Variants in AFDN observed in about 807,000 individuals in gnomAD.
AFDN encodes afadin.
A neutral mutation model predicts 216.6 loss-of-function variants in AFDN; 68 were observed. The ratio of observed to expected loss-of-function variants is 0.31; its 90% confidence interval spans 0.26 to 0.38. AFDN has a LOEUF of 0.38. Ranked by LOEUF, AFDN falls within the 10% of genes least tolerant of loss-of-function variation. The pLI is 1.00. For synonymous variants in AFDN, 868 were observed against 853.7 expected (o/e 1.02, Z -0.29); for missense variants, 2,136 against 2,342.0 (o/e 0.91, Z 1.82).
intron 21 of AFDN, among the ~76,000 whole-genome samples, chr6:167,920,618 C>T (rs1791661334): frequency 6.6e-6 from 1 of 152,166 alleles, no homozygotes. Flanking sequence ...GGATGGCGCT[C>T]TCCTGCCAGG....
At chr6:167,894,835 C>G (rs1788034688) in intron 9 of AFDN, among the ~76,000 whole-genome samples, 1 of 152,174 alleles carries the variant, frequency 6.6e-6, no homozygotes, top group Non-Finnish European at 1.5e-5. Context: ...AGAGACCTTT[C>G]AGAAGCATTC....
intron 3 of AFDN, among the ~76,000 whole-genome samples, chr6:167,870,900 A>T (rs925890230): frequency 2.0e-5 from 3 of 152,142 alleles, no homozygotes; most frequent in African/African-American, 7.2e-5. Context: ...CGTTTTCATT[A>T]TGTGCAGGGT....
intron 1 of AFDN, among the ~76,000 whole-genome samples, chr6:167,833,623 A>G (rs988605185): frequency 2.0e-5 from 3 of 151,950 alleles, no homozygotes; most frequent in Admixed American, 6.6e-5. Flanking sequence ...CTAGTTCCTG[A>G]TTTTTTTATA....
At chr6:167,937,409 A>G (rs778151863) in intron 23 of AFDN, among the ~76,000 whole-genome samples, 1 of 152,142 alleles carries the variant, frequency 6.6e-6, no homozygotes, top group Non-Finnish European at 1.5e-5. Context: ...ATAATCATGA[A>G]TGCTTTTTAA....
chr6:167,957,651 C>T (rs913025294), intron 30 of AFDN, among the ~76,000 whole-genome samples: 10 of 152,140 alleles, frequency 6.6e-5, no homozygotes, highest in African/African-American at 2.4e-4. Context: ...ACCTGGAATT[C>T]GTCAGGATGT....
At chr6:167,841,834 G>C (rs1429568688) in intron 1 of AFDN, among the ~76,000 whole-genome samples, 2 of 151,180 alleles carry the variant, frequency 1.3e-5, no homozygotes, top group African/African-American at 4.9e-5. Context: ...GATTCTCACC[G>C]ATGCCTTTCT....
At chr6:167,927,937 T>C (rs988758677) in intron 23 of AFDN, among the ~76,000 whole-genome samples, 1 of 152,212 alleles carries the variant, frequency 6.6e-6, no homozygotes, top group Non-Finnish European at 1.5e-5. Context: ...ATTACCCTAC[T>C]GTACTCAAAT....
At chr6:167,856,533 A>G (rs1388959805) in intron 1 of AFDN, among the ~76,000 whole-genome samples, 1 of 152,148 alleles carries the variant, frequency 6.6e-6, no homozygotes, top group African/African-American at 2.4e-5. Context: ...CTAATTTACT[A>G]TAGTATTTGG....
chr6:167,954,501 C>T lies in AFDN; in HGVS notation c.4833+2314C>T, dbSNP rs193133963. ...ATCTCTGTTCTAGATTTGGTATGTT[C>T]TTGTTTCTTTCCCTTTGGTACTTTT... On this transcript the variant is annotated intron_variant, in intron 30 of 33. Transcript: ENST00000683244. 9.4e-6 allele frequency: 15 copies of T among 1,595,194 alleles called. No individual in the cohort carries two copies. In the Admixed American group the frequency reaches 1.5e-4, roughly 16 times the overall value.
intron 23 of AFDN, chr6:167,932,872 A>C (rs1280170174): frequency 2.6e-5 from 4 of 152,252 alleles, no homozygotes; most frequent in Non-Finnish European, 5.9e-5. Flanking sequence ...TAACTTGCTC[A>C]TGAAGCAACA....
chr6:167,912,896 G>T (rs529038977), intron 15 of AFDN, among the ~76,000 whole-genome samples: 1 of 152,274 alleles, frequency 6.6e-6, no homozygotes, highest in East Asian at 1.9e-4. Flanking sequence ...GCTCCCTTTA[G>T]TATAGGTGTA....
intron 1 of AFDN, among the ~76,000 whole-genome samples, chr6:167,834,005 A>T (rs1187523219): frequency 6.6e-6 from 1 of 152,238 alleles, no homozygotes; most frequent in Non-Finnish European, 1.5e-5. Context: ...TTGTTTTTCA[A>T]TAATATGATT....
chr6:167,907,078 AGCCCT>A, intron 12 of AFDN, 88 bp from the exon 13 acceptor site: 1 of 881,380 alleles, frequency 1.1e-6, no homozygotes. Context: ...CCTGCTTGGC[AGCCCT>A]GTATCAGATC....
At position 167,893,915 on chromosome 6, in the gene AFDN, A is replaced by G. The variant is rs899338358; in HGVS notation, c.1222+9A>G. On this transcript the variant is annotated intron_variant, in intron 9 of 33. Transcript: ENST00000683244. ...CTATCACACTTACGAAGGTAATGCTATGCTTACTACTACTTTTATAACTAA... is the reference window on the plus strand; with the variant it reads ...CTATCACACTTACGAAGGTAATGCTGTGCTTACTACTACTTTTATAACTAA... 14 of 1,569,006 alleles carry G rather than the reference A, an allele frequency of 8.9e-6. No homozygotes were observed. In the Admixed American group the frequency reaches 1.8e-4, roughly 20 times the overall value.
At chr6:167,839,245 A>G (rs192745498) in intron 1 of AFDN, among the ~76,000 whole-genome samples, 63 of 152,336 alleles carry the variant, frequency 4.1e-4, no homozygotes, top group African/African-American at 1.4e-3. Context: ...CATTAAATGT[A>G]ATGGAAATTA....
intron 23 of AFDN, among the ~76,000 whole-genome samples, chr6:167,938,692 A>C (rs1794315714): frequency 6.6e-6 from 1 of 152,134 alleles, no homozygotes; most frequent in East Asian, 1.9e-4. Context: ...TGGAGTCCAC[A>C]TGTTCAGCTT....
chr6:167,835,897 A>C (rs141146253), intron 1 of AFDN, among the ~76,000 whole-genome samples: 1 of 152,224 alleles, frequency 6.6e-6, no homozygotes, highest in East Asian at 1.9e-4. Context: ...TTTAAAAAAT[A>C]TGTGTGTTCT....
In AFDN at chr6:167,911,166, A is replaced by C. The variant is rs1790338354; in HGVS notation, c.1831+4A>C. ...AGCATTGAATTCAGGGAAAGTTGTG[A>C]GTAATTTCAGATTTCATTGTCAATG... On this transcript the variant is annotated splice_donor_region_variant and intron_variant, in intron 14 of 33. Coordinates refer to ENST00000683244, the MANE Select transcript of AFDN (RefSeq NM_001386888.1). 1.2e-6 allele frequency: 2 copies of C among 1,613,210 alleles called. No individual in the cohort carries two copies. Among genetic ancestry groups the C allele is most frequent in the African/African-American group, 2.7e-5 (2 of 74,900 alleles).
intron 23 of AFDN, among the ~76,000 whole-genome samples, chr6:167,927,139 A>G (rs527960396): frequency 3.9e-5 from 6 of 152,342 alleles, no homozygotes; most frequent in African/African-American, 7.2e-5. Context: ...TACAAGTACC[A>G]TAAAACTTTA....
Sources: allele counts gnomAD v4.1 joint callset (sites outside exome capture counted in the v4.1 genomes callset), GRCh38; gene constraint gnomAD v4.1.1; transcripts MANE v1.5; gene names NCBI Gene and HGNC (gene_info 2026-07-23, HGNC 2026-07-21).